POLR1G: variants seen among roughly 807,000 people sequenced by gnomAD.
The protein encoded by POLR1G is DNA-directed RNA polymerase I subunit RPA34.
A neutral mutation model predicts 6.3 loss-of-function variants in POLR1G; 9 were observed. That is an observed-to-expected ratio of 1.44 (90% CI 0.87 to 2.51). POLR1G has a LOEUF of 2.51. Among genes scored for constraint, POLR1G ranks in the 30% most tolerant of loss-of-function variants. The pLI, the probability that POLR1G is intolerant of heterozygous loss-of-function variation, is 0.00. For synonymous variants in POLR1G, 248 were observed against 256.5 expected (o/e 0.97, Z 0.32); for missense variants, 617 against 632.5 (o/e 0.98, Z 0.26).
rs746379344 is a variant in POLR1G at position 45,408,913 on chromosome 19, G to A, written c.945G>A (p.Val315=). ...VTVESQPQVK[V]EPLEEAIPLP... The stretch of plus-strand genomic sequence containing the variant: ...TTGAGTCTCAGCCACAGGTGAAGGT[G>A]GAGCCACTGGAGGAAGCCATCCCTC... Residue 315 remains valine, a synonymous_variant, in exon 3 of 3, where the codon GTG becomes GTA. Coordinates refer to ENST00000309424, the MANE Select transcript of POLR1G (RefSeq NM_012099.3). The A allele has an allele frequency of 1.9e-6, 3 of 1,614,136 alleles. No homozygotes were observed. Among genetic ancestry groups the A allele is most frequent in the Non-Finnish European group, 2.5e-6 (3 of 1,180,008 alleles).
At position 45,408,918 on chromosome 19, in the gene POLR1G, C is replaced by T; in HGVS notation, c.950C>T (p.Pro317Leu). The T allele has an allele frequency of 6.2e-7, 1 of 1,614,046 alleles. No homozygotes were observed. Among genetic ancestry groups the T allele is most frequent in the Non-Finnish European group, 8.5e-7 (1 of 1,180,004 alleles). ...VESQPQVKVE[P>L]LEEAIPLPPT... The stretch of plus-strand genomic sequence containing the variant: ...TCTCAGCCACAGGTGAAGGTGGAGC[C>T]ACTGGAGGAAGCCATCCCTCTGCCC... The change falls in exon 3 of 3, where the codon CCA becomes CTA. Residue 317 changes from proline to leucine, a missense_variant. By Grantham distance (98) the Pro-to-Leu change is moderately conservative. Transcript: ENST00000309424.
rs199924316 is a variant in POLR1G, at chr19:45,407,095, T to C, written c.24T>C (p.Asp8=). ...ACCCCATTTCCCCTTCTGCTGCAGATGCTGCTCGGTTCTCTTGTCCCCCCA... is the reference window on the plus strand; with the variant it reads ...ACCCCATTTCCCCTTCTGCTGCAGACGCTGCTCGGTTCTCTTGTCCCCCCA... The part of the protein sequence containing the change: MEEPQAG[D]AARFSCPPNF... Residue 8 remains aspartate, a splice_region_variant and synonymous_variant, in exon 2 of 3, where the codon GAT becomes GAC. Coordinates refer to ENST00000309424, the MANE Select transcript of POLR1G (RefSeq NM_012099.3). 13 of 1,589,980 alleles carry C rather than the reference T, an allele frequency of 8.2e-6. No homozygotes were observed. The East Asian group carries it at 2.9e-4, about 36-fold the overall frequency.
chr19:45,406,919 G>C lies in POLR1G; in HGVS notation c.23-175G>C. ...CCCGTGGAGAGCAAGGCGCCCCCAGGGGTTGGATCGGTGAAATTGAGGTCG... is the reference window on the plus strand; with the variant it reads ...CCCGTGGAGAGCAAGGCGCCCCCAGCGGTTGGATCGGTGAAATTGAGGTCG... On this transcript the variant is annotated intron_variant, in intron 1 of 2. Transcript: ENST00000309424. This position sits in a 1 kb window ranked among gnomAD's most constrained non-coding sequence, Gnocchi z 4.2. 3.0e-6 allele frequency: 3 copies of C among 1,007,104 alleles called. No homozygotes were observed. Among genetic ancestry groups the C allele is most frequent in the South Asian group, 3.5e-5 (2 of 57,946 alleles). The allele number at this position is 1,007,104 out of a possible 1,614,324, so 62.4% of individuals were successfully genotyped here. A position where few individuals can be genotyped will look rare whatever the true frequency, so the allele number is the denominator to read the frequency against.
Position 45,409,847 on chromosome 19 carries a change from T to A in POLR1G, c.*346T>A. 1.5e-6 allele frequency: 1 copy of A among 653,186 alleles called. No homozygotes were observed. Among genetic ancestry groups the A allele is most frequent in the East Asian group, 2.8e-5 (1 of 35,884 alleles). 40.5% of individuals were successfully genotyped at this position (653,186 alleles called of 1,614,324 possible). ...TACCCTCAAGCATTTATCCATTGAG[T>A]TACAAACAATCCAGTTACAATCTTT... On this transcript the variant is annotated 3_prime_UTR_variant, in exon 3 of 3. Coordinates refer to ENST00000309424, the MANE Select transcript of POLR1G (RefSeq NM_012099.3).
intron 2 of POLR1G, 26 bp from the exon 3 acceptor site, chr19:45,408,107 T>C (rs776484508): frequency 6.4e-7 from 1 of 1,566,676 alleles, no homozygotes; most frequent in Non-Finnish European, 8.7e-7. Context: ...CACTTAAGCC[T>C]CTGCCCTCCC....
rs1470446982 is a variant in POLR1G, at chr19:45,409,893, TTA to T, written c.*394_*395del. The stretch of plus-strand genomic sequence containing the variant: ...TCTTTTTAAGTTATTATTATTATTA[TTA>T]TTTTTTTTTTTTTTGAGATGGAGTC... On this transcript the variant is annotated 3_prime_UTR_variant, in exon 3 of 3. Coordinates refer to ENST00000309424, the MANE Select transcript of POLR1G (RefSeq NM_012099.3). 214 of 194,238 alleles carry T rather than the reference TTA, an allele frequency of 1.1e-3. No homozygotes were observed. Among genetic ancestry groups the T allele is most frequent in the South Asian group, 1.3e-3 (6 of 4,448 alleles). 12.0% of individuals were successfully genotyped at this position (194,238 alleles called of 1,614,324 possible). A position where few individuals can be genotyped will look rare whatever the true frequency, so the allele number is the denominator to read the frequency against.
rs1973398072 is a variant in POLR1G at position 45,407,129 on chromosome 19, G to T, written c.58G>T (p.Ala20Ser). Residue 20 changes from alanine to serine, a missense_variant, in exon 2 of 3, where the codon GCG becomes TCG. By Grantham distance (99) the Ala-to-Ser change is moderately conservative (BLOSUM62 1). Transcript: ENST00000309424. ...GTTCTCTTGTCCCCCCAACTTTACC[G>T]CGAAGCCCCCAGCCTCAGAGTCCCC... is the stretch of plus-strand genomic sequence containing the variant. Reference protein sequence around the residue: ...ARFSCPPNFTAKPPASESPRF... With the variant: ...ARFSCPPNFTSKPPASESPRF... 1.2e-6 allele frequency: 2 copies of T among 1,605,840 alleles called. No homozygotes were observed. Among genetic ancestry groups the T allele is most frequent in the Non-Finnish European group, 1.7e-6 (2 of 1,177,966 alleles).
Position 45,408,219 on chromosome 19 carries a change from G to C in POLR1G, c.251G>C (p.Ser84Thr). ...AGKRHRYRVL[S>T]SCPQAGEATL... The stretch of plus-strand genomic sequence containing the variant: ...AAGCGGCACCGCTATCGAGTCCTCA[G>C]CAGCTGTCCCCAAGCTGGAGAAGCG... Residue 84 changes from serine to threonine, a missense_variant, in exon 3 of 3, where the codon AGC becomes ACC. Transcript: ENST00000309424. 6.2e-7 allele frequency: 1 copy of C among 1,614,176 alleles called. No individual in the cohort carries two copies. The highest frequency in any genetic ancestry group is 8.5e-7 in the Non-Finnish European group (1 of 1,180,010).
Position 45,408,551 on chromosome 19 carries a change from G to C in POLR1G, c.583G>C (p.Gly195Arg), listed in dbSNP as rs771705068. The C allele has an allele frequency of 6.2e-7, 1 of 1,613,990 alleles. No individual in the cohort carries two copies. Among genetic ancestry groups the C allele is most frequent in the Admixed American group, 1.7e-5 (1 of 60,016 alleles). The change falls in exon 3 of 3, where the codon GGG (glycine) becomes CGG (arginine). Residue 195 changes from glycine (G) to arginine (R), a missense_variant. Transcript: ENST00000309424. ...CACTCAGGAGGCAGTGAATGGGCAC[G>C]GGGCCCTGGAGGTGGACATGGCTTT... The part of the protein sequence containing the change: ...PVTQEAVNGH[G>R]ALEVDMALGS...
Position 45,410,565 on chromosome 19 carries a change from T to TGTGTGTGTGTGTGTGTGTGTGTG in POLR1G, c.*1064_*1065insGTGTGTGTGTGTGTGTGTGTGTG, listed in dbSNP as rs1973661594. 2 of 140,614 alleles carry TGTGTGTGTGTGTGTGTGTGTGTG rather than the reference T, an allele frequency of 1.4e-5. No homozygotes were observed. Among genetic ancestry groups the TGTGTGTGTGTGTGTGTGTGTGTG allele is most frequent in the African/African-American group, 5.5e-5 (2 of 36,458 alleles). The allele number at this position is 140,614 out of a possible 1,614,324, so 8.7% of individuals were successfully genotyped here. ...ATAGTATGTCTTATTCATTCTTTCT[T>TGTGTGTGTGTGTGTGTGTGTGTG]TGTGTGTGTGTGTGTGTGTGTGTGT... On this transcript the variant is annotated 3_prime_UTR_variant, in exon 3 of 3. Transcript: ENST00000309424.
Position 45,409,254 on chromosome 19 carries a change from A to C in POLR1G, c.1286A>C (p.Glu429Ala). 1 of 1,613,734 alleles carries C rather than the reference A, an allele frequency of 6.2e-7. No individual in the cohort carries two copies. The highest frequency in any genetic ancestry group is 8.5e-7 in the Non-Finnish European group (1 of 1,179,806). Residue 429 changes from glutamate (E) to alanine (A), a missense_variant, in exon 3 of 3, where the codon GAG becomes GCG. By Grantham distance (107) the Glu-to-Ala change is moderately radical. Transcript: ENST00000309424. ...TSTKKKKKKKERGHTVTEPIQ... is the reference protein window; with the variant it reads ...TSTKKKKKKKARGHTVTEPIQ... ...ACCAAGAAGAAGAAGAAGAAGAAAG[A>C]GAGAGGTCACACAGTGACTGAGCCA...
In POLR1G at chr19:45,408,327, G is replaced by A. The variant is rs1455870457; in HGVS notation, c.359G>A (p.Gly120Asp). Residue 120 changes from glycine to aspartate, a missense_variant, in exon 3 of 3, where the codon GGT becomes GAT. Transcript: ENST00000309424. ...CAGGGCACCCTAAGGATCCTTGAGG[G>A]TCCCCAGCAATCCCTGTCAGGGAGC... is the stretch of plus-strand genomic sequence containing the variant. Reference protein sequence around the residue: ...APQGTLRILEGPQQSLSGSPL... With the variant: ...APQGTLRILEDPQQSLSGSPL... The A allele has an allele frequency of 1.2e-6, 2 of 1,609,482 alleles. No individual in the cohort carries two copies. Among genetic ancestry groups the A allele is most frequent in the Non-Finnish European group, 1.7e-6 (2 of 1,176,852 alleles).
Position 45,406,891 on chromosome 19 carries a change from C to G in POLR1G, c.22+173C>G, listed in dbSNP as rs991684142. On this transcript the variant is annotated intron_variant, in intron 1 of 2. Transcript: ENST00000309424. The surrounding 1 kb of genome is among the most constrained non-coding windows in gnomAD (Gnocchi z 4.2). ...GGAGAGAGGGTTATCTTGTGGGGGG[C>G]TACCCGTGGAGAGCAAGGCGCCCCC... is the stretch of plus-strand genomic sequence containing the variant. The G allele has an allele frequency of 2.1e-6, 2 of 959,310 alleles. No homozygotes were observed. Among genetic ancestry groups the G allele is most frequent in the Non-Finnish European group, 3.0e-6 (2 of 669,326 alleles). The allele number at this position is 959,310 out of a possible 1,614,324, so 59.4% of individuals were successfully genotyped here. A position where few individuals can be genotyped will look rare whatever the true frequency, so the allele number is the denominator to read the frequency against.
In POLR1G at chr19:45,408,062, AAAAAAAAAAT is replaced by A. The variant is rs1973452698; in HGVS notation, c.165-70_165-61del. On this transcript the variant is annotated intron_variant, in intron 2 of 2. Transcript: ENST00000309424. ...GAGCAAGACTCTCTCAAAAAAAAAC[AAAAAAAAAAT>A]CAAAAAACCTTCCCTCTCCTGTTCC... is the stretch of plus-strand genomic sequence containing the variant. 2.0e-5 allele frequency: 15 copies of A among 755,328 alleles called. No individual in the cohort carries two copies. In the South Asian group the frequency reaches 2.0e-4, roughly 10 times the overall value. The allele number at this position is 755,328 out of a possible 1,614,324, so 46.8% of individuals were successfully genotyped here. A position where few individuals can be genotyped will look rare whatever the true frequency, so the allele number is the denominator to read the frequency against.
At position 45,409,448 on chromosome 19, in the gene POLR1G, G is replaced by T; in HGVS notation, c.1480G>T (p.Ala494Ser). The T allele has an allele frequency of 6.2e-7, 1 of 1,613,108 alleles. No homozygotes were observed. Among genetic ancestry groups the T allele is most frequent in the Non-Finnish European group, 8.5e-7 (1 of 1,179,950 alleles). ...ACTGAATTCAGAGTCTGGGGAGGAG[G>T]CTCCCACAGGCCGGGACAAGAAGCG... The part of the protein sequence containing the change: ...PPLNSESGEE[A>S]PTGRDKKRKQ... Residue 494 changes from alanine (A) to serine (S), a missense_variant, in exon 3 of 3, where the codon GCT (alanine) becomes TCT (serine). Physicochemically the swap from Ala to Ser is moderately conservative, Grantham distance 99. Coordinates refer to ENST00000309424, the MANE Select transcript of POLR1G (RefSeq NM_012099.3).
Position 45,408,702 on chromosome 19 carries a change from T to C in POLR1G, c.734T>C (p.Leu245Pro). 1 of 1,612,940 alleles carries C rather than the reference T, an allele frequency of 6.2e-7. No individual in the cohort carries two copies. Among genetic ancestry groups the C allele is most frequent in the Non-Finnish European group, 8.5e-7 (1 of 1,179,698 alleles). The change falls in exon 3 of 3, where the codon CTG (leucine) becomes CCG (proline). Residue 245 changes from leucine (L) to proline (P), a missense_variant. Physicochemically the swap from Leu to Pro is moderately conservative, Grantham distance 98. Coordinates refer to ENST00000309424, the MANE Select transcript of POLR1G (RefSeq NM_012099.3). ...TVETLEPLGV[L>P]FPSTTKKRKK... is the part of the protein sequence containing the mutation. ...GAGACACTGGAGCCTCTGGGAGTGC[T>C]GTTCCCGTCCACCACCAAGAAGAGG...
chr19:45,408,683 C>G lies in POLR1G; in HGVS notation c.715C>G (p.Leu239Val). The change falls in exon 3 of 3, where the codon CTG becomes GTG. Residue 239 changes from leucine (L) to valine (V), a missense_variant. Coordinates refer to ENST00000309424, the MANE Select transcript of POLR1G (RefSeq NM_012099.3). The stretch of plus-strand genomic sequence containing the variant: ...GGGGACAGAGCCCACAGTGGAGACA[C>G]TGGAGCCTCTGGGAGTGCTGTTCCC... ...PVGTEPTVET[L>V]EPLGVLFPST... 6.2e-7 allele frequency: 1 copy of G among 1,613,874 alleles called. No individual in the cohort carries two copies. The highest frequency in any genetic ancestry group is 8.5e-7 in the Non-Finnish European group (1 of 1,179,958).
chr19:45,407,104 G>A lies in POLR1G; in HGVS notation c.33G>A (p.Arg11=), dbSNP rs1442691529. 6.7e-5 allele frequency: 107 copies of A among 1,597,176 alleles called. No homozygotes were observed. Among genetic ancestry groups the A allele is most frequent in the Non-Finnish European group, 8.1e-5 (95 of 1,175,664 alleles). Residue 11 remains arginine (R), a synonymous_variant, in exon 2 of 3, where the codon CGG becomes CGA. Transcript: ENST00000309424. ...CCCCTTCTGCTGCAGATGCTGCTCG[G>A]TTCTCTTGTCCCCCCAACTTTACCG... MEEPQAGDAA[R]FSCPPNFTAK...
rs927696340 is a variant in POLR1G at position 45,406,960 on chromosome 19, TG to T, written c.23-131del. 3.9e-6 allele frequency: 5 copies of T among 1,268,104 alleles called. No homozygotes were observed. The highest frequency in any genetic ancestry group is 5.4e-6 in the Non-Finnish European group (5 of 924,190). 78.6% of individuals were successfully genotyped at this position (1,268,104 alleles called of 1,614,324 possible). A position where few individuals can be genotyped will look rare whatever the true frequency, so the allele number is the denominator to read the frequency against. ...ATTGAGGTCGCCCCTGGGGAACAGG[TG>T]GGCAGAAAGGAGAAACCAGGTTGAG... On this transcript the variant is annotated intron_variant, in intron 1 of 2. Coordinates refer to ENST00000309424, the MANE Select transcript of POLR1G (RefSeq NM_012099.3). The surrounding 1 kb of genome is among the most constrained non-coding windows in gnomAD (Gnocchi z 4.2).
Sources: gnomAD v4.1 joint callset for allele counts on GRCh38, gnomAD v4.1.1 for gene constraint, Gnocchi (gnomAD v3.1) non-coding constraint, MANE v1.5 for transcripts, NCBI Gene and HGNC (gene_info 2026-07-23, HGNC 2026-07-21) for gene names.